SPOCK1: variants seen among roughly 807,000 people sequenced by gnomAD.
SPOCK1 encodes the protein SPARC (osteonectin), cwcv and kazal like domains proteoglycan 1.
A neutral mutation model predicts 55.3 loss-of-function variants in SPOCK1; 23 were observed. That is an observed-to-expected ratio of 0.42 (90% CI 0.30 to 0.59). The LOEUF is 0.59. Among genes scored for constraint, SPOCK1 ranks in the 20% least tolerant of loss-of-function variants. SPOCK1 has a pLI of 0.22. For missense variants in SPOCK1, 499 were observed against 552.5 expected (o/e 0.90, Z 0.97); for synonymous variants, 226 against 221.0 (o/e 1.02, Z -0.20).
intron 2 of SPOCK1, among the ~76,000 whole-genome samples, chr5:137,404,325 A>G (rs534074673): frequency 3.3e-4 from 50 of 152,302 alleles, no homozygotes; most frequent in African/African-American, 1.1e-3. Context: ...TTCCCAAAGA[A>G]TCAGGCAATC....
At chr5:137,282,695 G>A (rs962331311) in intron 2 of SPOCK1, among the ~76,000 whole-genome samples, 2 of 152,214 alleles carry the variant, frequency 1.3e-5, no homozygotes. Flanking sequence ...ATTTGGGCCA[G>A]AGAAAATCTC....
intron 6 of SPOCK1, among the ~76,000 whole-genome samples, chr5:137,027,843 G>A (rs572445513): frequency 2.0e-4 from 31 of 152,280 alleles, no homozygotes; most frequent in African/African-American, 6.5e-4. Flanking sequence ...AATCTCAGTA[G>A]AGACCTTGTA....
chr5:137,286,588 A>G (rs1281714958), intron 2 of SPOCK1, among the ~76,000 whole-genome samples: 2 of 152,140 alleles, frequency 1.3e-5, no homozygotes, highest in African/African-American at 2.4e-5. Flanking sequence ...TGTACCTCCC[A>G]GGGAGGCAGA....
intron 2 of SPOCK1, among the ~76,000 whole-genome samples, chr5:137,423,222 C>T (rs1752539949): frequency 6.6e-6 from 1 of 152,204 alleles, no homozygotes; most frequent in Non-Finnish European, 1.5e-5. Flanking sequence ...AGTTAGGCTA[C>T]TTAGGGGTCA....
chr5:137,267,155 G>A, intron 2 of SPOCK1, 100 bp from the exon 3 acceptor site: 14 of 925,702 alleles, frequency 1.5e-5, no homozygotes, highest in East Asian at 5.0e-5. Context: ...AAAACACAAA[G>A]GAAAACACTG....
chr5:137,066,109 T>C (rs1400238527), intron 6 of SPOCK1, among the ~76,000 whole-genome samples: 1 of 152,174 alleles, frequency 6.6e-6, no homozygotes, highest in Non-Finnish European at 1.5e-5. Flanking sequence ...CATTTGTAGA[T>C]GCTACAGGCA....
intron 3 of SPOCK1, among the ~76,000 whole-genome samples, chr5:137,210,463 C>T (rs950263582): frequency 4.6e-5 from 7 of 152,158 alleles, no homozygotes; most frequent in Non-Finnish European, 7.4e-5. Context: ...TTTTGAAATG[C>T]TTTAGAATAA....
At chr5:137,451,306 T>A (rs1293410763) in intron 2 of SPOCK1, among the ~76,000 whole-genome samples, 1 of 152,196 alleles carries the variant, frequency 6.6e-6, no homozygotes, top group African/African-American at 2.4e-5. Context: ...CAACGCAGAA[T>A]GTTTTTCAAA....
chr5:137,461,507 C>T (rs1245796159), intron 2 of SPOCK1, among the ~76,000 whole-genome samples: 1 of 152,164 alleles, frequency 6.6e-6, no homozygotes, highest in Non-Finnish European at 1.5e-5. Flanking sequence ...GTCAGTGTTG[C>T]TAATAAAACT....
At chr5:137,190,899 A>G (rs1264568482) in intron 3 of SPOCK1, among the ~76,000 whole-genome samples, 1 of 152,192 alleles carries the variant, frequency 6.6e-6, no homozygotes, top group Non-Finnish European at 1.5e-5. Flanking sequence ...AGGTCTATGT[A>G]TATTTTCTGA....
At chr5:137,343,027 A>C (rs1417000025) in intron 2 of SPOCK1, among the ~76,000 whole-genome samples, 1 of 152,244 alleles carries the variant, frequency 6.6e-6, no homozygotes, top group East Asian at 1.9e-4. Context: ...AAAGAACTGT[A>C]TTCCCAAAGC....
At chr5:137,105,775 C>G (rs1419454054) in intron 5 of SPOCK1, among the ~76,000 whole-genome samples, 1 of 152,242 alleles carries the variant, frequency 6.6e-6, no homozygotes, top group Non-Finnish European at 1.5e-5. Context: ...TTTTCCTCCA[C>G]AGCAGTTCTT....
intron 2 of SPOCK1, among the ~76,000 whole-genome samples, chr5:137,407,470 G>C (rs908675912): frequency 2.0e-5 from 3 of 152,126 alleles, no homozygotes; most frequent in Non-Finnish European, 2.9e-5. Flanking sequence ...ACCTGAGAGG[G>C]GGGAGTGGTG....
intron 6 of SPOCK1, among the ~76,000 whole-genome samples, chr5:137,031,925 C>CACAT (rs556321318): frequency 2.0e-5 from 3 of 150,920 alleles, no homozygotes; most frequent in South Asian, 2.1e-4. Flanking sequence ...TACATACACA[C>CACAT]ACATACATAC....
intron 6 of SPOCK1, among the ~76,000 whole-genome samples, chr5:137,020,182 T>C (rs1186199464): frequency 6.6e-6 from 1 of 151,436 alleles, no homozygotes; most frequent in East Asian, 1.9e-4. Flanking sequence ...GTAGGTTAAA[T>C]TATAACAGAA....
intron 5 of SPOCK1, among the ~76,000 whole-genome samples, chr5:137,078,672 C>T (rs1039910874): frequency 6.6e-6 from 1 of 152,184 alleles, no homozygotes; most frequent in Non-Finnish European, 1.5e-5. Flanking sequence ...TGCAGCCATC[C>T]TGGAAGTAGA....
chr5:137,041,240 T>C (rs1310029898), intron 6 of SPOCK1, among the ~76,000 whole-genome samples: 2 of 152,116 alleles, frequency 1.3e-5, no homozygotes, highest in Non-Finnish European at 2.9e-5. Context: ...GGATAGTCAT[T>C]TCAATAAACT....
At chr5:137,160,845 A>G (rs1423742325) in intron 3 of SPOCK1, among the ~76,000 whole-genome samples, 1 of 144,346 alleles carries the variant, frequency 6.9e-6, no homozygotes, top group South Asian at 2.1e-4. Context: ...TGTAACTACC[A>G]TTTGATCCAT....
intron 3 of SPOCK1, among the ~76,000 whole-genome samples, chr5:137,146,611 C>T (rs1754199300): frequency 1.3e-5 from 2 of 152,332 alleles, no homozygotes; most frequent in East Asian, 3.9e-4. Flanking sequence ...TTTATTGCAG[C>T]TTGTCTGTCC....
Sources: gnomAD v4.1 joint callset for allele counts (sites outside exome capture counted in the v4.1 genomes callset) on GRCh38, gnomAD v4.1.1 for gene constraint, MANE v1.5 for transcripts, NCBI Gene and HGNC (gene_info 2026-07-23, HGNC 2026-07-21) for gene names.